The following KIFC3 variants were observed in gnomAD, a reference collection of about 807,000 sequenced individuals.
KIFC3 encodes the protein kinesin-like protein KIFC3.
A neutral mutation model predicts 101.8 loss-of-function variants in KIFC3; 60 were observed. The observed-to-expected ratio is 0.59, with a 90% confidence interval of 0.48 to 0.73. KIFC3 has a LOEUF of 0.73. KIFC3 is among the 30% of genes least tolerant of loss of function. The probability of loss-of-function intolerance (pLI) is 0.00; values close to 1 mark genes in which losing one functional copy is unlikely to be tolerated. For synonymous variants in KIFC3, 476 were observed against 482.7 expected (o/e 0.99, Z 0.18); for missense variants, 966 against 1,137.1 (o/e 0.85, Z 2.16).
chr16:57,854,926 A>G (rs1405437760), intron 1 of KIFC3, among the ~76,000 whole-genome samples: 2 of 152,004 alleles, frequency 1.3e-5, no homozygotes, highest in Non-Finnish European at 1.5e-5. Flanking sequence ...CATGAATCAA[A>G]GTGGAAGTTT....
At chr16:57,844,220 C>T (rs185606567) in intron 1 of KIFC3, among the ~76,000 whole-genome samples, 308 of 147,168 alleles carry the variant, frequency 2.1e-3, no homozygotes, top group Admixed American at 3.3e-3. Context: ...ATCATGAGGT[C>T]GGAGTTCAAG....
intron 2 of KIFC3, 119 bp from the exon 3 acceptor site, chr16:57,795,260 G>C (rs2054197052): frequency 7.9e-7 from 1 of 1,263,322 alleles, no homozygotes. Context: ...GGCTGGTCCA[G>C]ATGTGGCCAG....
chr16:57,761,086 A>G lies in KIFC3; in HGVS notation c.1958T>C (p.Val653Ala), dbSNP rs2049793220. The stretch of plus-strand genomic sequence containing the variant: ...GCTGCAGTCCACGCCTCGCACCGTC[A>G]CGATGAGCAGCGCGTGCGAGCGGGA... ...HSSRSHALLI[V>A]TVRGVDCSTG... The change falls in exon 15 of 20, where the codon GTG becomes GCG. Residue 653 changes from valine to alanine, a missense_variant. Around this residue, in one of 2 missense-constraint regions of KIFC3, gnomAD observed 689 missense variants for 884.6 expected, o/e 0.78. Transcript: ENST00000445690. 6.2e-7 allele frequency: 1 copy of G among 1,613,688 alleles called. No homozygotes were observed. The highest frequency in any genetic ancestry group is 1.3e-5 in the African/African-American group (1 of 75,048).
intron 10 of KIFC3, 115 bp from the exon 11 acceptor site, chr16:57,765,755 C>A: frequency 1.1e-6 from 1 of 951,928 alleles, no homozygotes; most frequent in South Asian, 1.7e-5. Flanking sequence ...GACTTTTAAG[C>A]ACAGCCCCCT....
At position 57,769,835 on chromosome 16, in the gene KIFC3, T is replaced by A; in HGVS notation, c.1060A>T (p.Met354Leu). 2 of 1,613,522 alleles carry A rather than the reference T, an allele frequency of 1.2e-6. No individual in the cohort carries two copies. Among genetic ancestry groups the A allele is most frequent in the African/African-American group, 1.3e-5 (1 of 74,974 alleles). Residue 354 changes from methionine to leucine, a missense_variant, in exon 8 of 20, where the codon ATG becomes TTG. This residue lies in a region of KIFC3 where 689 missense variants were observed against 884.6 expected (regional missense o/e 0.78). Coordinates refer to ENST00000445690, the MANE Select transcript of KIFC3 (RefSeq NM_001130100.2). This position sits in a 1 kb window ranked among gnomAD's most constrained non-coding sequence, Gnocchi z 4.3. ...EEAFARAQVE[M>L]KAVHENLAGV... Reference sequence around the variant, plus strand: ...GCTAGATTCTCGTGCACAGCCTTCATCTCCACCTGGGCTCTGGCAAAGGCC... The same window carrying A: ...GCTAGATTCTCGTGCACAGCCTTCAACTCCACCTGGGCTCTGGCAAAGGCC...
intron 10 of KIFC3, among the ~76,000 whole-genome samples, chr16:57,766,329 G>C (rs927586998): frequency 7.9e-5 from 12 of 152,300 alleles, no homozygotes; most frequent in African/African-American, 2.9e-4. Flanking sequence ...CAACACACTT[G>C]CCTGTCCCAT....
At chr16:57,850,136 A>G (rs1050024544) in intron 1 of KIFC3, among the ~76,000 whole-genome samples, 3 of 152,126 alleles carry the variant, frequency 2.0e-5, no homozygotes, top group Non-Finnish European at 4.4e-5. Flanking sequence ...GTGGTGGCTC[A>G]TGCCTATAAT....
At chr16:57,782,083 C>T (rs2052803630) in intron 3 of KIFC3, 1 of 985,332 alleles carries the variant, frequency 1.0e-6, no homozygotes, top group Admixed American at 6.1e-5. Flanking sequence ...CAGGAAAGTC[C>T]AAGTCTGAGT....
intron 1 of KIFC3, among the ~76,000 whole-genome samples, chr16:57,820,699 T>C (rs527473506): frequency 1.8e-4 from 28 of 152,356 alleles, no homozygotes; most frequent in Non-Finnish European, 3.5e-4. Flanking sequence ...TGCTTCTTAA[T>C]CGTCTTTCTC....
At chr16:57,839,661 T>C (rs1226434140) in intron 1 of KIFC3, among the ~76,000 whole-genome samples, 1 of 152,212 alleles carries the variant, frequency 6.6e-6, no homozygotes, top group Non-Finnish European at 1.5e-5. Flanking sequence ...TTATTTTAAA[T>C]TTCATTGAAA....
rs1478178384 is a variant in KIFC3, at chr16:57,759,047, C to T, written c.*24+78G>A. 3 of 1,538,420 alleles carry T rather than the reference C, an allele frequency of 2.0e-6. No homozygotes were observed. The African/African-American group carries it at 4.1e-5, about 21-fold the overall frequency. ...AGGGGCTAGACCCAGCTCTGAACAG[C>T]AGAACGTCCCAGCGCAGCCCTGCAA... is the stretch of plus-strand genomic sequence containing the variant. On this transcript the variant is annotated intron_variant, in intron 19 of 19. Coordinates refer to ENST00000445690, the MANE Select transcript of KIFC3 (RefSeq NM_001130100.2).
intron 11 of KIFC3, chr16:57,764,506 CAA>C (rs2050229184): frequency 3.1e-5 from 15 of 488,782 alleles, no homozygotes; most frequent in Non-Finnish European, 4.1e-5. Context: ...TGCTCTCTCT[CAA>C]AGAGTGCTCA....
chr16:57,818,163 T>G (rs1408938765), intron 1 of KIFC3, among the ~76,000 whole-genome samples: 1 of 152,112 alleles, frequency 6.6e-6, no homozygotes, highest in Non-Finnish European at 1.5e-5. Context: ...GCCAGGCTGG[T>G]CTCGAACTCC....
In KIFC3 at chr16:57,769,609, T is replaced by C; in HGVS notation, c.1204A>G (p.Ser402Gly). ...FPLLLQEALR[S>G]VKAEIGQAIE... The stretch of plus-strand genomic sequence containing the variant: ...CCCTCGCTCACCTCGGCCTTGACAC[T>C]CCTGAGGGCCTCCTGCAGCAGCAGT... The change falls in exon 9 of 20, where the codon AGT becomes GGT. Residue 402 changes from serine to glycine, a missense_variant. Around this residue, in one of 2 missense-constraint regions of KIFC3, gnomAD observed 689 missense variants for 884.6 expected, o/e 0.78. Transcript: ENST00000445690. The surrounding 1 kb of genome is among the most constrained non-coding windows in gnomAD (Gnocchi z 4.3). 6.2e-7 allele frequency: 1 copy of C among 1,610,668 alleles called. No homozygotes were observed. Among genetic ancestry groups the C allele is most frequent in the South Asian group, 1.1e-5 (1 of 90,984 alleles).
At chr16:57,778,067 C>A (rs1423947345) in intron 3 of KIFC3, among the ~76,000 whole-genome samples, 1 of 152,138 alleles carries the variant, frequency 6.6e-6, no homozygotes, top group Non-Finnish European at 1.5e-5. Flanking sequence ...GTGCTCGAGC[C>A]CAGGAGTTCA....
chr16:57,759,627 T>G, intron 18 of KIFC3, 101 bp downstream of exon 18: 1 of 916,408 alleles, frequency 1.1e-6, no homozygotes, highest in Non-Finnish European at 1.6e-6. Flanking sequence ...TGTAAGAACT[T>G]TTTAAAAAGG....
Position 57,765,512 on chromosome 16 carries a change from G to T in KIFC3, c.1459C>A (p.Pro487Thr), listed in dbSNP as rs782277288. 8.8e-6 allele frequency: 14 copies of T among 1,591,672 alleles called. No homozygotes were observed. Among genetic ancestry groups the T allele is most frequent in the African/African-American group, 5.4e-5 (4 of 74,672 alleles). ...SIIHLLHKGK[P>T]VSFELDKVFS... ...ACCTTGTCCAGCTCGAAGGACACAG[G>T]CTTGCCCTTGTGCAGCAGGTGGATG... is the stretch of plus-strand genomic sequence containing the variant. Residue 487 changes from proline to threonine, a missense_variant, in exon 11 of 20, where the codon CCT becomes ACT. This residue lies in a region of KIFC3 where 689 missense variants were observed against 884.6 expected (regional missense o/e 0.78). Coordinates refer to ENST00000445690, the MANE Select transcript of KIFC3 (RefSeq NM_001130100.2).
upstream of KIFC3, among the ~76,000 whole-genome samples, chr16:57,805,542 G>A (rs140793792): frequency 1.2e-3 from 181 of 152,224 alleles, 1 homozygote; most frequent in African/African-American, 4.1e-3. Context: ...CTCAGGGAGG[G>A]CCAGACAGAA....
At chr16:57,759,052 C>A in intron 19 of KIFC3, 73 bp downstream of exon 19, 1 of 1,537,230 alleles carries the variant, frequency 6.5e-7, no homozygotes, top group Non-Finnish European at 8.8e-7. Context: ...AACAGCAGAA[C>A]GTCCCAGCGC....
Sources: gnomAD v4.1 joint callset for allele counts (sites outside exome capture counted in the v4.1 genomes callset) on GRCh38, gnomAD v4.1.1 for gene constraint, gnomAD v4.1.1 regional missense constraint, Gnocchi (gnomAD v3.1) non-coding constraint, MANE v1.5 for transcripts, NCBI Gene and HGNC (gene_info 2026-07-23, HGNC 2026-07-21) for gene names.